The following TRIM56 variants were observed in gnomAD, a reference collection of about 807,000 sequenced individuals.
TRIM56 encodes the protein tripartite motif containing 56, also known as E3 ubiquitin-protein ligase TRIM56.
TRIM56 carries 10 observed loss-of-function variants against 17.1 expected under a neutral mutation model. That is an observed-to-expected ratio of 0.58 (90% CI 0.36 to 0.99). The LOEUF is 0.99. Ranked by LOEUF, TRIM56 falls within the 50% of genes least tolerant of loss-of-function variation. The pLI is 0.01. For synonymous variants in TRIM56, 503 were observed against 473.5 expected, an observed-to-expected ratio of 1.06 and a Z score of -0.81; for missense variants, 923 against 1,052.3, an observed-to-expected ratio of 0.88 and a Z score of 1.70.
Position 101,095,067 on chromosome 7 carries a change from A to AG in TRIM56, c.*5487_*5488insG, listed in dbSNP as rs1491478507. 1 of 21,228 alleles carries AG rather than the reference A, an allele frequency of 4.7e-5. No individual in the cohort carries two copies. The highest frequency in any genetic ancestry group is 1.1e-3 in the East Asian group (1 of 904). The allele number at this position is 21,228 out of a possible 1,614,324, so 1.3% of individuals were successfully genotyped here. On this transcript the variant is annotated 3_prime_UTR_variant, in exon 3 of 3. Transcript: ENST00000306085. ...GCCTCCCAAGGCTGGGCTCCGCGTC[A>AG]AAAAAAAAAAAAAAAAATGAGACTG...
rs373361866 is a variant in TRIM56 at position 101,088,860 on chromosome 7, C to T, written c.1548C>T (p.Phe516=). 81 of 1,613,738 alleles carry T rather than the reference C, an allele frequency of 5.0e-5. No individual in the cohort carries two copies. Among genetic ancestry groups the T allele is most frequent in the East Asian group, 1.1e-4 (5 of 44,872 alleles). Residue 516 remains phenylalanine (F), a synonymous_variant, in exon 3 of 3, where the codon TTC becomes TTT. Coordinates refer to ENST00000306085, the MANE Select transcript of TRIM56 (RefSeq NM_030961.3). ...RSPRITGLCP[F]GPREILVADE... ...CCCGGATCACCGGGCTCTGTCCCTT[C>T]GGTCCCCGGGAGATCCTGGTGGCGG...
At position 101,087,467 on chromosome 7, in the gene TRIM56, G is replaced by A. The variant is rs771671036; in HGVS notation, c.155G>A (p.Gly52Asp). 5 of 1,613,196 alleles carry A rather than the reference G, an allele frequency of 3.1e-6. No homozygotes were observed. The highest frequency in any genetic ancestry group is 4.2e-6 in the Non-Finnish European group (5 of 1,179,946). ...QDCLAQLADG[G>D]RVRCPECRET... Reference sequence around the variant, plus strand: ...TGCCTGGCACAGCTGGCGGATGGCGGCCGCGTCCGCTGCCCCGAGTGCCGC... The same window carrying A: ...TGCCTGGCACAGCTGGCGGATGGCGACCGCGTCCGCTGCCCCGAGTGCCGC... Residue 52 changes from glycine (G) to aspartate (D), a missense_variant, in exon 3 of 3, where the codon GGC becomes GAC. Coordinates refer to ENST00000306085, the MANE Select transcript of TRIM56 (RefSeq NM_030961.3).
Position 101,091,731 on chromosome 7 carries a change from A to T in TRIM56, c.*2151A>T. 2 of 445,558 alleles carry T rather than the reference A, an allele frequency of 4.5e-6. No individual in the cohort carries two copies. Among genetic ancestry groups the T allele is most frequent in the South Asian group, 3.1e-5 (2 of 63,812 alleles). The allele number at this position is 445,558 out of a possible 1,614,324, so 27.6% of individuals were successfully genotyped here. ...AACAAGAATGAAACTCCATCTCAAA[A>T]AAAAAGAAAAAGAAAAGAAAGAAAA... On this transcript the variant is annotated 3_prime_UTR_variant, in exon 3 of 3. Transcript: ENST00000306085.
At position 101,088,340 on chromosome 7, in the gene TRIM56, G is replaced by A. The variant is rs967427675; in HGVS notation, c.1028G>A (p.Gly343Asp). Residue 343 changes from glycine (G) to aspartate (D), a missense_variant, in exon 3 of 3, where the codon GGC becomes GAC. Gly to Asp is a moderately conservative substitution (Grantham distance 94). Transcript: ENST00000306085. ...CTGCAGGGCTGCCCCTGGGCACCAG[G>A]CCCGGCCCCCTGCCTGCTCCCACAG... ...RQLQGCPWAP[G>D]PAPCLLPQLE... The A allele has an allele frequency of 7.8e-6, 12 of 1,536,942 alleles. No individual in the cohort carries two copies. The highest frequency in any genetic ancestry group is 2.1e-5 in the Admixed American group (1 of 48,540).
At chr7:101,085,776 C>T (rs548126993) in intron 1 of TRIM56, among the ~76,000 whole-genome samples, 109 of 152,246 alleles carry the variant, frequency 7.2e-4, no homozygotes, top group African/African-American at 2.3e-3. Context: ...CAAGAAAGAC[C>T]CCGTCCCACT....
Position 101,087,194 on chromosome 7 carries a change from C to A in TRIM56, c.-2+26C>A, listed in dbSNP as rs531032490. The A allele has an allele frequency of 3.9e-5, 37 of 950,138 alleles. No homozygotes were observed. In the South Asian group the frequency reaches 4.9e-4, roughly 13 times the overall value. 58.9% of individuals were successfully genotyped at this position (950,138 alleles called of 1,614,324 possible). The stretch of plus-strand genomic sequence containing the variant: ...GTGAGACCTCAGGTTCCTTCCCGGC[C>A]ATTTGGGTCAGCCCCTAGCCCTGGG... On this transcript the variant is annotated intron_variant, in intron 2 of 2. Transcript: ENST00000306085.
Position 101,085,585 on chromosome 7 carries a change from G to A in TRIM56, c.-165+14G>A. On this transcript the variant is annotated intron_variant, in intron 1 of 2. Transcript: ENST00000306085. ...AGCTCTGGCTAGGTAAGGGGTGGGG[G>A]GCGGCACAGCTATAGGAAGGACCGA... 1 of 152,542 alleles carries A rather than the reference G, an allele frequency of 6.6e-6. No individual in the cohort carries two copies. Among genetic ancestry groups the A allele is most frequent in the Non-Finnish European group, 1.5e-5 (1 of 68,260 alleles). 9.4% of individuals were successfully genotyped at this position (152,542 alleles called of 1,614,324 possible). A position where few individuals can be genotyped will look rare whatever the true frequency, so the allele number is the denominator to read the frequency against.
chr7:101,095,772 G>A lies in TRIM56; in HGVS notation c.*6192G>A, dbSNP rs1481696494. On this transcript the variant is annotated 3_prime_UTR_variant, in exon 3 of 3. Coordinates refer to ENST00000306085, the MANE Select transcript of TRIM56 (RefSeq NM_030961.3). The stretch of plus-strand genomic sequence containing the variant: ...AGAGCAGCAAAGGACACTGGAAAAT[G>A]AGAAGCATGGATGGGAAGTGTTGCA... 2 of 152,286 alleles carry A rather than the reference G, an allele frequency of 1.3e-5. No homozygotes were observed. Among genetic ancestry groups the A allele is most frequent in the Non-Finnish European group, 2.9e-5 (2 of 68,074 alleles). 9.4% of individuals were successfully genotyped at this position (152,286 alleles called of 1,614,324 possible).
chr7:101,096,756 A>G lies in TRIM56; in HGVS notation c.*7176A>G, dbSNP rs1795659058. 6.6e-6 allele frequency: 1 copy of G among 152,228 alleles called. No individual in the cohort carries two copies. 9.4% of individuals were successfully genotyped at this position (152,228 alleles called of 1,614,324 possible). On this transcript the variant is annotated 3_prime_UTR_variant, in exon 3 of 3. Transcript: ENST00000306085. ...GTGAGTGAAAGCTCTGGAACACCCG[A>G]GTAGAGCTTTCTGCAAATCAGCTTC... is the stretch of plus-strand genomic sequence containing the variant.
At position 101,088,428 on chromosome 7, in the gene TRIM56, G is replaced by T; in HGVS notation, c.1116G>T (p.Glu372Asp). The T allele has an allele frequency of 6.2e-7, 1 of 1,613,030 alleles. No homozygotes were observed. Residue 372 changes from glutamate (E) to aspartate (D), a missense_variant, in exon 3 of 3, where the codon GAG becomes GAT. Glu to Asp is a conservative substitution (Grantham distance 45). Coordinates refer to ENST00000306085, the MANE Select transcript of TRIM56 (RefSeq NM_030961.3). ...NCHLLRLSFE[E>D]QQPQKDGGKD... ...ACCTTCTTCGGCTGTCCTTTGAGGA[G>T]CAGCAGCCCCAGAAGGATGGTGGGA... is the stretch of plus-strand genomic sequence containing the variant.
chr7:101,091,277 T>A lies in TRIM56; in HGVS notation c.*1697T>A, dbSNP rs571111205. ...GGATTTTGGACAAGTCCAGATGGAA[T>A]GTGCAGGGCATAGGTAGAGGGAAAA... On this transcript the variant is annotated 3_prime_UTR_variant, in exon 3 of 3. Transcript: ENST00000306085. 1.3e-5 allele frequency: 2 copies of A among 154,668 alleles called. No individual in the cohort carries two copies. Among genetic ancestry groups the A allele is most frequent in the African/African-American group, 4.8e-5 (2 of 41,582 alleles). The allele number at this position is 154,668 out of a possible 1,614,324, so 9.6% of individuals were successfully genotyped here.
chr7:101,095,031 G>A lies in TRIM56; in HGVS notation c.*5451G>A, dbSNP rs79345804. On this transcript the variant is annotated 3_prime_UTR_variant, in exon 3 of 3. Transcript: ENST00000306085. ...CTCCAGTAGGGGGCACTGTGGACACGGTTCGCATCTGCCTCCCAAGGCTGG... is the reference window on the plus strand; with the variant it reads ...CTCCAGTAGGGGGCACTGTGGACACAGTTCGCATCTGCCTCCCAAGGCTGG... 3.3e-5 allele frequency: 5 copies of A among 150,166 alleles called. No individual in the cohort carries two copies. Among genetic ancestry groups the A allele is most frequent in the African/African-American group, 1.2e-4 (5 of 40,594 alleles). 9.3% of individuals were successfully genotyped at this position (150,166 alleles called of 1,614,324 possible). A position where few individuals can be genotyped will look rare whatever the true frequency, so the allele number is the denominator to read the frequency against.
Position 101,091,618 on chromosome 7 carries a change from T to C in TRIM56, c.*2038T>C. 1 of 391,470 alleles carries C rather than the reference T, an allele frequency of 2.6e-6. No homozygotes were observed. 24.2% of individuals were successfully genotyped at this position (391,470 alleles called of 1,614,324 possible). On this transcript the variant is annotated 3_prime_UTR_variant, in exon 3 of 3. Coordinates refer to ENST00000306085, the MANE Select transcript of TRIM56 (RefSeq NM_030961.3). Reference sequence around the variant, plus strand: ...AGCGGGCGTCTGTAATCCCAGCTACTTGGGAGGCTGAGGCAGGAGAATCAT... The same window carrying C: ...AGCGGGCGTCTGTAATCCCAGCTACCTGGGAGGCTGAGGCAGGAGAATCAT...
chr7:101,089,057 G>A lies in TRIM56; in HGVS notation c.1745G>A (p.Arg582His). ...LINPNGEVQW[R>H]RALSLSQASH... ...AACCCCAACGGCGAAGTGCAGTGGC[G>A]CAGGGCCCTGAGCCTCTCCCAGGCC... The change falls in exon 3 of 3, where the codon CGC becomes CAC. Residue 582 changes from arginine (R) to histidine (H), a missense_variant. Physicochemically the swap from Arg to His is conservative, Grantham distance 29. Coordinates refer to ENST00000306085, the MANE Select transcript of TRIM56 (RefSeq NM_030961.3). 16 of 1,600,688 alleles carry A rather than the reference G, an allele frequency of 1.0e-5. No individual in the cohort carries two copies. Among genetic ancestry groups the A allele is most frequent in the Admixed American group, 1.7e-5 (1 of 59,906 alleles).
chr7:101,093,685 C>T lies in TRIM56; in HGVS notation c.*4105C>T, dbSNP rs1366963260. On this transcript the variant is annotated 3_prime_UTR_variant, in exon 3 of 3. Transcript: ENST00000306085. ...TCTCTACTAAAAATACAAAAATTAC[C>T]CGGGTGTGGTGGCGCATGCCTGTAA... The T allele has an allele frequency of 2.6e-5, 4 of 152,080 alleles. No individual in the cohort carries two copies. In the East Asian group the frequency reaches 7.7e-4, roughly 29 times the overall value. 9.4% of individuals were successfully genotyped at this position (152,080 alleles called of 1,614,324 possible).
rs537213658 is a variant in TRIM56 at position 101,092,893 on chromosome 7, A to G, written c.*3313A>G. On this transcript the variant is annotated 3_prime_UTR_variant, in exon 3 of 3. Coordinates refer to ENST00000306085, the MANE Select transcript of TRIM56 (RefSeq NM_030961.3). ...TGACGATGGCGGTTTTGTGGAATAGAAAAGGGGGAAAGGTGGGGAAAAGAT... is the reference window on the plus strand; with the variant it reads ...TGACGATGGCGGTTTTGTGGAATAGGAAAGGGGGAAAGGTGGGGAAAAGAT... The G allele has an allele frequency of 9.7e-3, 1,732 of 179,190 alleles. 31 individuals are homozygous for G. The highest frequency in any genetic ancestry group is 0.04 in the African/African-American group (1,658 of 41,918). 11.1% of individuals were successfully genotyped at this position (179,190 alleles called of 1,614,324 possible).
rs554172420 is a variant in TRIM56, at chr7:101,096,703, G to A, written c.*7123G>A. On this transcript the variant is annotated 3_prime_UTR_variant, in exon 3 of 3. Coordinates refer to ENST00000306085, the MANE Select transcript of TRIM56 (RefSeq NM_030961.3). ...CTGATACCCCTCCATCAGCATAAGC[G>A]TGTATGAGGATGTTAGGTACATGTG... The A allele has an allele frequency of 7.2e-5, 11 of 152,338 alleles. No individual in the cohort carries two copies. Among genetic ancestry groups the A allele is most frequent in the South Asian group, 2.1e-4 (1 of 4,830 alleles). 9.4% of individuals were successfully genotyped at this position (152,338 alleles called of 1,614,324 possible).
Position 101,089,810 on chromosome 7 carries a change from A to T in TRIM56, c.*230A>T. On this transcript the variant is annotated 3_prime_UTR_variant, in exon 3 of 3. Transcript: ENST00000306085. ...AGAGGAGGCAGGTGGGTGGAGGGGG[A>T]TGCTGGGAGTTCACCTGCCTCTTGC... The T allele has an allele frequency of 2.1e-6, 1 of 484,768 alleles. No homozygotes were observed. Among genetic ancestry groups the T allele is most frequent in the Non-Finnish European group, 3.8e-6 (1 of 265,710 alleles). The allele number at this position is 484,768 out of a possible 1,614,324, so 30.0% of individuals were successfully genotyped here.
Position 101,087,489 on chromosome 7 carries a change from C to T in TRIM56, c.177C>T (p.Cys59=). The T allele has an allele frequency of 1.2e-6, 2 of 1,613,548 alleles. No individual in the cohort carries two copies. The highest frequency in any genetic ancestry group is 8.5e-7 in the Non-Finnish European group (1 of 1,179,858). ...GCGGCCGCGTCCGCTGCCCCGAGTG[C>T]CGCGAGACAGTGCCTGTGCCGCCCG... ...ADGGRVRCPE[C]RETVPVPPEG... Residue 59 remains cysteine (C), a synonymous_variant, in exon 3 of 3, where the codon TGC becomes TGT. Coordinates refer to ENST00000306085, the MANE Select transcript of TRIM56 (RefSeq NM_030961.3).
Sources: gnomAD v4.1 joint callset for allele counts (sites outside exome capture counted in the v4.1 genomes callset) on GRCh38, gnomAD v4.1.1 for gene constraint, MANE v1.5 for transcripts, NCBI Gene and HGNC (gene_info 2026-07-23, HGNC 2026-07-21) for gene names.